Variants in PPP2R3A observed in about 807,000 individuals in gnomAD.
PPP2R3A encodes the protein serine/threonine-protein phosphatase 2A regulatory subunit B'' subunit alpha.
PPP2R3A carries 80 observed loss-of-function variants against 106.9 expected under a neutral mutation model. That is an observed-to-expected ratio of 0.75 (90% CI 0.62 to 0.90). The LOEUF (loss-of-function observed/expected upper bound fraction) is 0.90. PPP2R3A is among the 40% of genes least tolerant of loss of function. PPP2R3A has a pLI of 0.00. For missense variants in PPP2R3A, 1,386 were observed against 1,350.4 expected (o/e 1.03, Z -0.41); for synonymous variants, 483 against 468.3 (o/e 1.03, Z -0.41).
intron 10 of PPP2R3A, among the ~76,000 whole-genome samples, chr3:136,099,716 C>G (rs1324370840): frequency 6.6e-6 from 1 of 151,706 alleles, no homozygotes; most frequent in Non-Finnish European, 1.5e-5. Context: ...AAATATGGTA[C>G]AGGCCACATA....
intron 1 of PPP2R3A, among the ~76,000 whole-genome samples, chr3:135,976,277 A>G: frequency 6.6e-6 from 1 of 152,080 alleles, no homozygotes; most frequent in East Asian, 1.9e-4. Context: ...GGGAGAAAGC[A>G]CTCCTTTCTT....
At position 136,101,946 on chromosome 3, in the gene PPP2R3A, A is replaced by G. The variant is rs187244321; in HGVS notation, c.2928-61A>G. On this transcript the variant is annotated intron_variant, in intron 10 of 13. Coordinates refer to ENST00000264977, the MANE Select transcript of PPP2R3A (RefSeq NM_002718.5). ...ACTTTTACTTTAAAAGAAACATACT[A>G]AATCTGGATAAATAAAAGGTCTTTA... 427 of 1,494,162 alleles carry G rather than the reference A, an allele frequency of 2.9e-4. 3 individuals are homozygous for G. The African/African-American group carries it at 5.0e-3, about 17-fold the overall frequency. 92.6% of individuals were successfully genotyped at this position (1,494,162 alleles called of 1,614,324 possible).
At chr3:136,141,670 AG>A (rs1938878633) in intron 13 of PPP2R3A, among the ~76,000 whole-genome samples, 1 of 152,210 alleles carries the variant, frequency 6.6e-6, no homozygotes, top group South Asian at 2.1e-4. Context: ...CAAAGAGGGA[AG>A]GGCATTTCAG....
At chr3:136,062,511 G>T (rs906251676) in intron 5 of PPP2R3A, among the ~76,000 whole-genome samples, 2 of 152,198 alleles carry the variant, frequency 1.3e-5, no homozygotes, top group East Asian at 1.9e-4. Context: ...ATCATGAGGA[G>T]ATCGAGACCA....
intron 13 of PPP2R3A, among the ~76,000 whole-genome samples, chr3:136,137,068 G>A (rs943836641): frequency 2.6e-5 from 4 of 152,126 alleles, no homozygotes; most frequent in Admixed American, 2.6e-4. Context: ...TCAACTAAAT[G>A]TGTTACCTAT....
At chr3:136,144,880 C>G (rs559878286) in intron 13 of PPP2R3A, among the ~76,000 whole-genome samples, 163 bp from the exon 14 acceptor site, 1 of 152,288 alleles carries the variant, frequency 6.6e-6, no homozygotes, top group Admixed American at 6.5e-5. Context: ...GTTTTCTGCT[C>G]TAGAGTGTTG....
intron 13 of PPP2R3A, among the ~76,000 whole-genome samples, chr3:136,126,284 C>T (rs1445954263): frequency 1.3e-5 from 2 of 152,270 alleles, no homozygotes; most frequent in Admixed American, 1.3e-4. Context: ...GCGCTTTGCT[C>T]AAGGTCTTAG....
chr3:136,142,954 A>G (rs984515675), intron 13 of PPP2R3A, among the ~76,000 whole-genome samples: 1 of 152,194 alleles, frequency 6.6e-6, no homozygotes, highest in African/African-American at 2.4e-5. Context: ...TCTGCCATCA[A>G]CCATTTCACT....
chr3:135,997,166 C>CA lies in PPP2R3A; in HGVS notation c.-440-3886dup, dbSNP rs1176269730. Among the ~76,000 whole-genome samples the CA allele has an allele frequency of 7.9e-5, 12 of 152,182 alleles. No individual in the cohort carries two copies. In the East Asian group the frequency reaches 9.7e-4, roughly 12 times the overall value. On this transcript the variant is annotated intron_variant, in intron 1 of 13. Transcript: ENST00000264977. ...CGTTTTATAGCCCTCCTTTTCTTAG[C>CA]AAAAAAACTAATGGAAAATCTAGTC...
chr3:136,145,251 T>TTA lies in PPP2R3A; in HGVS notation c.*86_*87dup, dbSNP rs1258362272. ...GATGTTCTCGTTTGCATACTGCTTT[T>TTA]TAAAGACTTTGATTTCTCCAAGTGT... On this transcript the variant is annotated 3_prime_UTR_variant, in exon 14 of 14. Coordinates refer to ENST00000264977, the MANE Select transcript of PPP2R3A (RefSeq NM_002718.5). The TTA allele has an allele frequency of 5.5e-6, 8 of 1,462,262 alleles. No homozygotes were observed. 90.6% of individuals were successfully genotyped at this position (1,462,262 alleles called of 1,614,324 possible).
intron 8 of PPP2R3A, among the ~76,000 whole-genome samples, chr3:136,083,339 A>G (rs891391456): frequency 2.6e-5 from 4 of 152,128 alleles, no homozygotes; most frequent in African/African-American, 7.2e-5. Context: ...TGTAGTTCTC[A>G]TGATAGTGAA....
At chr3:136,082,056 C>T (rs1320951104) in intron 7 of PPP2R3A, among the ~76,000 whole-genome samples, 1 of 152,110 alleles carries the variant, frequency 6.6e-6, no homozygotes, top group Non-Finnish European at 1.5e-5. Context: ...AGCATCCAGC[C>T]CTTCACTGAG....
chr3:136,072,860 C>A (rs148032329), intron 6 of PPP2R3A, among the ~76,000 whole-genome samples: 11 of 152,036 alleles, frequency 7.2e-5, no homozygotes, highest in African/African-American at 2.7e-4. Flanking sequence ...TCTTTTTTTT[C>A]TTTCATGATC....
chr3:136,038,956 C>T (rs1225297582), intron 3 of PPP2R3A, among the ~76,000 whole-genome samples: 1 of 152,230 alleles, frequency 6.6e-6, no homozygotes, highest in Non-Finnish European at 1.5e-5. Context: ...TTAAATTCTG[C>T]TCTGCTTGCA....
intron 12 of PPP2R3A, among the ~76,000 whole-genome samples, chr3:136,105,412 G>A (rs61479791): frequency 0.013 from 2,037 of 152,282 alleles, 46 homozygotes; most frequent in African/African-American, 0.046. Context: ...GATCACTTGA[G>A]GCCAGGGGTT....
chr3:136,033,781 C>G (rs543933899), intron 3 of PPP2R3A, among the ~76,000 whole-genome samples: 1 of 151,922 alleles, frequency 6.6e-6, no homozygotes, highest in East Asian at 1.9e-4. Context: ...CTCTTCTTTT[C>G]TTAGTTAGTC....
intron 5 of PPP2R3A, among the ~76,000 whole-genome samples, chr3:136,050,325 A>C (rs778414925): frequency 1.3e-5 from 2 of 152,232 alleles, no homozygotes; most frequent in Non-Finnish European, 2.9e-5. Context: ...CAGATCTATC[A>C]GAAGTATAAG....
chr3:136,003,418 T>C lies in PPP2R3A; in HGVS notation c.1920T>C (p.Cys640=), dbSNP rs772052921. ...CCTCCCAGGCCAATTTATCAGTCTG[T>C]AGAAGTCCTGTTGGTGATAAAGCCA... ...TTSSQANLSV[C]RSPVGDKAKD... Residue 640 remains cysteine (C), a synonymous_variant, in exon 2 of 14, where the codon TGT becomes TGC. Coordinates refer to ENST00000264977, the MANE Select transcript of PPP2R3A (RefSeq NM_002718.5). 1 of 1,613,968 alleles carries C rather than the reference T, an allele frequency of 6.2e-7. No individual in the cohort carries two copies. The highest frequency in any genetic ancestry group is 2.2e-5 in the East Asian group (1 of 44,874).
chr3:135,993,609 A>T (rs1933266806), intron 1 of PPP2R3A, among the ~76,000 whole-genome samples: 1 of 152,240 alleles, frequency 6.6e-6, no homozygotes. Context: ...GCTTTAAATC[A>T]TAATAGCACA....
Sources: gnomAD v4.1 joint callset for allele counts (sites outside exome capture counted in the v4.1 genomes callset) on GRCh38, gnomAD v4.1.1 for gene constraint, MANE v1.5 for transcripts, NCBI Gene and HGNC (gene_info 2026-07-23, HGNC 2026-07-21) for gene names.